Variants in TRIM67 observed in about 807,000 individuals in gnomAD.
The protein encoded by TRIM67 is tripartite motif-containing protein 67.
TRIM67 carries 39 observed loss-of-function variants against 71.0 expected under a neutral mutation model. The observed-to-expected ratio is 0.55, with a 90% CI of 0.43 to 0.72. The LOEUF (loss-of-function observed/expected upper bound fraction) is 0.72. Ranked by LOEUF, TRIM67 falls within the 30% of genes least tolerant of loss-of-function variation. TRIM67 has a pLI of 0.00. For missense variants in TRIM67, 973 were observed against 1,079.2 expected (o/e 0.90, Z 1.38); for synonymous variants, 481 against 473.9 (o/e 1.01, Z -0.19).
Position 231,216,596 on chromosome 1 carries a change from C to G in TRIM67, c.*1156C>G. 1.0e-6 allele frequency: 1 copy of G among 985,564 alleles called. No homozygotes were observed. The highest frequency in any genetic ancestry group is 1.2e-6 in the Non-Finnish European group (1 of 830,010). The allele number at this position is 985,564 out of a possible 1,614,324, so 61.1% of individuals were successfully genotyped here. The stretch of plus-strand genomic sequence containing the variant: ...GAACACAAGTGGCCCCTGTGGCAGG[C>G]CGGGACGGCTCTGCCCTGATGCAGT... On this transcript the variant is annotated 3_prime_UTR_variant, in exon 10 of 10. Transcript: ENST00000366653.
Position 231,216,040 on chromosome 1 carries a change from TG to T in TRIM67, c.*601del. The T allele has an allele frequency of 1.0e-6, 1 of 985,536 alleles. No individual in the cohort carries two copies. Among genetic ancestry groups the T allele is most frequent in the South Asian group, 4.7e-5 (1 of 21,294 alleles). 61.0% of individuals were successfully genotyped at this position (985,536 alleles called of 1,614,324 possible). ...ACATTAATCATTCATGCTTGACTTT[TG>T]CCTCTCTCACTGAAGTGTTAGAACC... On this transcript the variant is annotated 3_prime_UTR_variant, in exon 10 of 10. Transcript: ENST00000366653.
chr1:231,196,917 C>T (rs933876254), intron 1 of TRIM67, among the ~76,000 whole-genome samples: 1 of 152,228 alleles, frequency 6.6e-6, no homozygotes, highest in Non-Finnish European at 1.5e-5. Context: ...TCAGGGCATA[C>T]CAGGCCCCAG....
Position 231,163,733 on chromosome 1 carries a change from C to G in TRIM67, c.764C>G (p.Pro255Arg), listed in dbSNP as rs1170802469. The part of the protein sequence containing the change: ...FAKHRLVQPP[P>R]PPPPPAEAAS... ...AAGCATCGCCTGGTGCAGCCGCCGCCGCCGCCGCCGCCGCCCGCCGAGGCA... is the reference window on the plus strand; with the variant it reads ...AAGCATCGCCTGGTGCAGCCGCCGCGGCCGCCGCCGCCGCCCGCCGAGGCA... Residue 255 changes from proline (P) to arginine (R), a missense_variant, in exon 1 of 10, where the codon CCG becomes CGG. By Grantham distance (103) the Pro-to-Arg change is moderately radical (BLOSUM62 -2). This residue lies in a region of TRIM67 where 795 missense variants were observed against 831.3 expected (regional missense o/e 0.96). Coordinates refer to ENST00000366653, the MANE Select transcript of TRIM67 (RefSeq NM_001004342.5). The G allele has an allele frequency of 1.3e-6, 2 of 1,491,030 alleles. No homozygotes were observed. The highest frequency in any genetic ancestry group is 1.8e-6 in the Non-Finnish European group (2 of 1,121,036). 92.4% of individuals were successfully genotyped at this position (1,491,030 alleles called of 1,614,324 possible). A position where few individuals can be genotyped will look rare whatever the true frequency, so the allele number is the denominator to read the frequency against.
chr1:231,210,567 C>A (rs1683839557), intron 8 of TRIM67, among the ~76,000 whole-genome samples: 1 of 151,278 alleles, frequency 6.6e-6, no homozygotes, highest in Non-Finnish European at 1.5e-5. Context: ...CCCATCAGCT[C>A]CGTCTCTGCT....
At position 231,194,052 on chromosome 1, in the gene TRIM67, C is replaced by T. The variant is rs111637522; in HGVS notation, c.1045-3319C>T. Among the ~76,000 whole-genome samples, 1,187 of 152,304 alleles carry T rather than the reference C, an allele frequency of 7.8e-3. 13 individuals are homozygous for T. Among genetic ancestry groups the T allele is most frequent in the African/African-American group, 0.027 (1,128 of 41,550 alleles). On this transcript the variant is annotated intron_variant, in intron 1 of 9. Transcript: ENST00000366653. Reference sequence around the variant, plus strand: ...AAGAGGGCCCTCACCCTGAACCAACCGCACTGGCACGCGGATCTCACACTT... The same window carrying T: ...AAGAGGGCCCTCACCCTGAACCAACTGCACTGGCACGCGGATCTCACACTT...
intron 6 of TRIM67, among the ~76,000 whole-genome samples, chr1:231,204,652 G>A (rs1199377627): frequency 1.3e-5 from 2 of 152,160 alleles, no homozygotes; most frequent in Non-Finnish European, 2.9e-5. Flanking sequence ...CGTTCAGGCG[G>A]ACATGAATGC....
rs191736912 is a variant in TRIM67 at position 231,206,020 on chromosome 1, G to T, written c.1681-632G>T. 4.9e-3 allele frequency among the ~76,000 whole-genome samples: 753 copies of T among 152,344 alleles called. 4 individuals carry two copies. The highest frequency in any genetic ancestry group is 7.2e-3 in the Non-Finnish European group (491 of 68,034). ...ACGCCTCGCCGCCTCGCAGGCAGAGGGGCCGGGCAGCCAGTAGTAAGGCAT... is the reference window on the plus strand; with the variant it reads ...ACGCCTCGCCGCCTCGCAGGCAGAGTGGCCGGGCAGCCAGTAGTAAGGCAT... On this transcript the variant is annotated intron_variant, in intron 6 of 9. Coordinates refer to ENST00000366653, the MANE Select transcript of TRIM67 (RefSeq NM_001004342.5).
chr1:231,192,051 G>A (rs770675860), intron 1 of TRIM67, among the ~76,000 whole-genome samples: 1 of 152,164 alleles, frequency 6.6e-6, no homozygotes, highest in East Asian at 1.9e-4. Flanking sequence ...GCTCAGGCCT[G>A]TAATCCCAGT....
intron 1 of TRIM67, chr1:231,185,348 T>A: frequency 1.1e-6 from 1 of 928,240 alleles, no homozygotes; most frequent in Non-Finnish European, 1.6e-6. Context: ...AGAATGGCTC[T>A]TGTTTTCCTC....
At position 231,163,471 on chromosome 1, in the gene TRIM67, C is replaced by A. The variant is rs867603601; in HGVS notation, c.502C>A (p.Leu168Met). 1 of 1,534,310 alleles carries A rather than the reference C, an allele frequency of 6.5e-7. No individual in the cohort carries two copies. Among genetic ancestry groups the A allele is most frequent in the South Asian group, 1.2e-5 (1 of 82,644 alleles). Residue 168 changes from leucine to methionine, a missense_variant, in exon 1 of 10, where the codon CTG becomes ATG. Leu to Met is a conservative substitution (Grantham distance 15). Coordinates refer to ENST00000366653, the MANE Select transcript of TRIM67 (RefSeq NM_001004342.5). ...TCPQCHRSAS[L>M]DHRGLRGFQR... ...CCCGCAGTGCCACCGCAGCGCATCC[C>A]TGGACCACCGCGGCCTGCGCGGCTT...
At chr1:231,184,847 T>A in intron 1 of TRIM67, 1 of 633,586 alleles carries the variant, frequency 1.6e-6, no homozygotes, top group Non-Finnish European at 2.7e-6. Context: ...GTGGGTATCA[T>A]CACCCCAATT....
chr1:231,186,089 G>T, intron 1 of TRIM67: 1 of 1,533,186 alleles, frequency 6.5e-7, no homozygotes, highest in Non-Finnish European at 8.7e-7. Context: ...TCTCCTGATA[G>T]GCGGCTGGCA....
Position 231,163,086 on chromosome 1 carries a change from G to T in TRIM67, c.117G>T (p.Pro39=), listed in dbSNP as rs754832424. The T allele has an allele frequency of 1.3e-6, 2 of 1,586,840 alleles. No homozygotes were observed. Among genetic ancestry groups the T allele is most frequent in the African/African-American group, 2.7e-5 (2 of 73,782 alleles). Residue 39 remains proline (P), a synonymous_variant, in exon 1 of 10, where the codon CCG becomes CCT. Transcript: ENST00000366653. The part of the protein sequence containing the change: ...PCARTIAVQT[P]DGEQHLPQPL... ...CTCGCACCATCGCGGTGCAGACCCC[G>T]GACGGTGAGCAGCACCTGCCCCAGC...
intron 1 of TRIM67, among the ~76,000 whole-genome samples, chr1:231,191,774 G>A (rs1167807977): frequency 2.0e-5 from 3 of 152,208 alleles, no homozygotes; most frequent in Non-Finnish European, 4.4e-5. Flanking sequence ...TGACCACAAG[G>A]CCATTTTAAT....
chr1:231,192,737 C>A (rs577831960), intron 1 of TRIM67, among the ~76,000 whole-genome samples: 1 of 152,244 alleles, frequency 6.6e-6, no homozygotes. Flanking sequence ...AGGGCCCTCA[C>A]GTGGCTGAGC....
At chr1:231,165,540 A>T (rs1289654864) in intron 1 of TRIM67, among the ~76,000 whole-genome samples, 2 of 152,214 alleles carry the variant, frequency 1.3e-5, no homozygotes, top group Non-Finnish European at 2.9e-5. Context: ...AAGAGTGCTT[A>T]TTTGGCCTCA....
At chr1:231,182,464 G>C (rs927964485) in intron 1 of TRIM67, among the ~76,000 whole-genome samples, 3 of 152,122 alleles carry the variant, frequency 2.0e-5, no homozygotes, top group Non-Finnish European at 4.4e-5. Flanking sequence ...TCCACATCTC[G>C]TTGGCACAGG....
rs540719150 is a variant in TRIM67 at position 231,201,793 on chromosome 1, T to G, written c.1534+276T>G. 2.6e-5 allele frequency among the ~76,000 whole-genome samples: 4 copies of G among 152,352 alleles called. No homozygotes were observed. In the South Asian group the frequency reaches 8.3e-4, roughly 32 times the overall value. ...CAACAATTATTTGTTCATTCAGAAG[T>G]GCTTGGAAAGTGTCTACCATGTGCC... On this transcript the variant is annotated intron_variant, in intron 5 of 9. Coordinates refer to ENST00000366653, the MANE Select transcript of TRIM67 (RefSeq NM_001004342.5).
intron 3 of TRIM67, among the ~76,000 whole-genome samples, chr1:231,199,377 T>C (rs1328560127): frequency 6.6e-6 from 1 of 152,198 alleles, no homozygotes; most frequent in African/African-American, 2.4e-5. Context: ...CCCTGTGTCC[T>C]GAGGGTTTCA....
Sources: gnomAD v4.1 joint callset for allele counts (sites outside exome capture counted in the v4.1 genomes callset) on GRCh38, gnomAD v4.1.1 for gene constraint, gnomAD v4.1.1 regional missense constraint, MANE v1.5 for transcripts, NCBI Gene and HGNC (gene_info 2026-07-23, HGNC 2026-07-21) for gene names.